SYNPO2: variants seen among roughly 807,000 people sequenced by gnomAD.
The protein encoded by SYNPO2 is synaptopodin 2.
In SYNPO2, 56 loss-of-function variants were observed where a neutral mutation model predicts 85.0. The ratio of observed to expected loss-of-function variants is 0.66; its 90% confidence interval spans 0.53 to 0.82. SYNPO2 has a LOEUF of 0.82. SYNPO2 is among the 40% of genes least tolerant of loss of function. SYNPO2 has a pLI of 0.00. For missense variants in SYNPO2, 1,575 were observed against 1,534.2 expected (o/e 1.03, Z -0.44); for synonymous variants, 602 against 591.1 (o/e 1.02, Z -0.27).
In SYNPO2 at chr4:118,889,126, C is replaced by T. The variant is rs772611301; in HGVS notation, c.90C>T (p.Pro30=). The T allele has an allele frequency of 1.2e-6, 2 of 1,614,132 alleles. No individual in the cohort carries two copies. Among genetic ancestry groups the T allele is most frequent in the South Asian group, 2.2e-5 (2 of 91,064 alleles). The change falls in exon 1 of 5, where the codon CCC becomes CCT. Residue 30 remains proline, a synonymous_variant. Transcript: ENST00000307142. Reference sequence around the variant, plus strand: ...AAGGTGGCAAGGAGCAGAAGCAGCCCTTACAAGTTGCAAAGGTAGGACCTG... The same window carrying T: ...AAGGTGGCAAGGAGCAGAAGCAGCCTTTACAAGTTGCAAAGGTAGGACCTG... The part of the protein sequence containing the change: ...RLQGGKEQKQ[P]LQVAKIRNQS...
intron 1 of SYNPO2, among the ~76,000 whole-genome samples, chr4:118,959,658 T>TG (rs1328822890): frequency 6.6e-6 from 1 of 152,246 alleles, no homozygotes; most frequent in Non-Finnish European, 1.5e-5. Context: ...TCGCTCTCCC[T>TG]GGTCATCTGT....
At chr4:118,973,853 A>G (rs555943630) in intron 1 of SYNPO2, among the ~76,000 whole-genome samples, 2 of 152,240 alleles carry the variant, frequency 1.3e-5, no homozygotes, top group African/African-American at 4.8e-5. Context: ...GCCACTGGAC[A>G]TAAAACCTAA....
At chr4:119,007,767 A>G (rs1737137757) in intron 1 of SYNPO2, among the ~76,000 whole-genome samples, 1 of 152,134 alleles carries the variant, frequency 6.6e-6, no homozygotes, top group Non-Finnish European at 1.5e-5. Context: ...TGTTTTTTTA[A>G]CCACTGATAT....
chr4:118,904,229 T>C (rs867156037), intron 1 of SYNPO2, among the ~76,000 whole-genome samples: 2 of 142,026 alleles, frequency 1.4e-5, no homozygotes, highest in Non-Finnish European at 1.6e-5. Context: ...TTAGAAAACA[T>C]TCAAGAGTTT....
At chr4:119,056,854 T>A (rs1409525458) in intron 4 of SYNPO2, among the ~76,000 whole-genome samples, 1 of 152,190 alleles carries the variant, frequency 6.6e-6, no homozygotes, top group African/African-American at 2.4e-5. Context: ...AGCTCTGGTT[T>A]GTTTTTGCTA....
rs1553938502 is a variant in SYNPO2 at position 118,927,742 on chromosome 4, A to AGATAGATG, written c.105+38602_105+38609dup. On this transcript the variant is annotated intron_variant, in intron 1 of 4. Coordinates refer to ENST00000307142, the MANE Select transcript of SYNPO2 (RefSeq NM_133477.3). ...TAGATAGATAGATAGATAGATAGATAGATAGATGATAGATAGATATATAGA... is the reference window on the plus strand; with the variant it reads ...TAGATAGATAGATAGATAGATAGATAGATAGATGGATAGATGATAGATAGATATATAGA... Among the ~76,000 whole-genome samples the AGATAGATG allele has an allele frequency of 1.4e-3, 161 of 113,450 alleles. 1 individual carries two copies. Among genetic ancestry groups the AGATAGATG allele is most frequent in the African/African-American group, 5.5e-3 (158 of 28,608 alleles). 74.4% of individuals were successfully genotyped at this position (113,450 alleles called of 152,430 possible). A position where few individuals can be genotyped will look rare whatever the true frequency, so the allele number is the denominator to read the frequency against.
intron 1 of SYNPO2, among the ~76,000 whole-genome samples, chr4:118,987,438 G>A (rs1477861435): frequency 6.6e-6 from 1 of 152,210 alleles, no homozygotes; most frequent in African/African-American, 2.4e-5. Context: ...GGAAGGCTGA[G>A]GCAGGAGGAT....
At chr4:118,896,202 G>T (rs528242569) in intron 1 of SYNPO2, among the ~76,000 whole-genome samples, 174 of 152,254 alleles carry the variant, frequency 1.1e-3, no homozygotes, top group African/African-American at 4.0e-3. Flanking sequence ...GTATGAAATA[G>T]AATCTCACTA....
chr4:119,054,527 T>C (rs1739150287), intron 4 of SYNPO2, among the ~76,000 whole-genome samples: 1 of 152,020 alleles, frequency 6.6e-6, no homozygotes, highest in Non-Finnish European at 1.5e-5. Flanking sequence ...CAGGTTGTCT[T>C]CCCCTGAAGT....
At chr4:118,962,421 C>T (rs1028583289) in intron 1 of SYNPO2, among the ~76,000 whole-genome samples, 4 of 152,064 alleles carry the variant, frequency 2.6e-5, no homozygotes, top group Admixed American at 6.6e-5. Flanking sequence ...CTAGCGATAA[C>T]GGGTACCTAC....
intron 1 of SYNPO2, among the ~76,000 whole-genome samples, chr4:118,984,907 A>G (rs181306046): frequency 6.6e-6 from 1 of 152,276 alleles, no homozygotes; most frequent in Admixed American, 6.5e-5. Flanking sequence ...CAAAATTAGA[A>G]CTGTTTGGAT....
intron 1 of SYNPO2, among the ~76,000 whole-genome samples, chr4:118,906,935 G>C (rs1010456470): frequency 3.3e-5 from 5 of 151,628 alleles, no homozygotes; most frequent in Admixed American, 3.3e-4. Flanking sequence ...AGCCTCCTAA[G>C]TAGCTAGGAC....
intron 1 of SYNPO2, among the ~76,000 whole-genome samples, chr4:118,907,151 T>G (rs1466618376): frequency 2.0e-5 from 3 of 152,164 alleles, no homozygotes; most frequent in African/African-American, 7.2e-5. Flanking sequence ...TTCTTTTCCT[T>G]ATAACTTTTT....
chr4:119,053,793 C>T (rs982092972), intron 4 of SYNPO2, among the ~76,000 whole-genome samples: 1 of 152,106 alleles, frequency 6.6e-6, no homozygotes, highest in African/African-American at 2.4e-5. Context: ...GATGTCTTAT[C>T]ACTGCAATGT....
chr4:119,000,891 C>CA (rs1736798866), intron 1 of SYNPO2, among the ~76,000 whole-genome samples: 1 of 152,116 alleles, frequency 6.6e-6, no homozygotes, highest in Non-Finnish European at 1.5e-5. Context: ...TCTGCTGAGA[C>CA]ATAAGTCTAG....
At chr4:119,011,276 A>T (rs1357919704) in intron 1 of SYNPO2, among the ~76,000 whole-genome samples, 1 of 152,216 alleles carries the variant, frequency 6.6e-6, no homozygotes, top group Non-Finnish European at 1.5e-5. Flanking sequence ...CCTCTGCTCC[A>T]GCGCCTCACT....
intron 4 of SYNPO2, chr4:119,033,626 T>C: frequency 1.0e-6 from 1 of 985,480 alleles, no homozygotes; most frequent in Non-Finnish European, 1.2e-6. Flanking sequence ...GGGTACACAG[T>C]ACCATTTTAA....
intron 1 of SYNPO2, among the ~76,000 whole-genome samples, chr4:118,917,346 G>T (rs752425334): frequency 1.3e-5 from 2 of 152,046 alleles, no homozygotes; most frequent in Admixed American, 6.6e-5. Flanking sequence ...AGCCAAGATC[G>T]CACCATTGGA....
intron 1 of SYNPO2, among the ~76,000 whole-genome samples, chr4:118,991,078 A>G (rs1276127761): frequency 6.6e-6 from 1 of 152,204 alleles, no homozygotes; most frequent in African/African-American, 2.4e-5. Context: ...CCAGGACTTT[A>G]AATTCAACTT....
Sources: allele counts gnomAD v4.1 joint callset (sites outside exome capture counted in the v4.1 genomes callset), GRCh38; gene constraint gnomAD v4.1.1; transcripts MANE v1.5; gene names NCBI Gene and HGNC (gene_info 2026-07-23, HGNC 2026-07-21).